The following XRCC6 variants were observed in gnomAD, a reference collection of about 807,000 sequenced individuals.
XRCC6 encodes the protein DNA repair protein Ku70.
XRCC6 carries 5 observed loss-of-function variants against 65.7 expected under a neutral mutation model. The ratio of observed to expected loss-of-function variants is 0.08; its 90% CI spans 0.04 to 0.16. The LOEUF is 0.16. Among genes scored for constraint, XRCC6 ranks in the 10% least tolerant of loss-of-function variants. The pLI is 1.00. For synonymous variants in XRCC6, 270 were observed against 270.6 expected, an observed-to-expected ratio of 1.00 and a Z score of 0.02; for missense variants, 447 against 738.1, an observed-to-expected ratio of 0.61 and a Z score of 4.57.
chr22:41,637,615 C>T lies in XRCC6; in HGVS notation c.597C>T (p.Phe199=). Residue 199 remains phenylalanine (F), a synonymous_variant, in exon 6 of 13, where the codon TTC becomes TTT. Coordinates refer to ENST00000360079, the MANE Select transcript of XRCC6 (RefSeq NM_001469.5). ...KAGDLRDTGI[F]LDLMHLKKPG... ...TGTTTACCCTTGCAACAGGCATCTT[C>T]CTTGACTTGATGCACCTGAAGAAAC... The T allele has an allele frequency of 6.2e-7, 1 of 1,601,422 alleles. No homozygotes were observed. The highest frequency in any genetic ancestry group is 8.5e-7 in the Non-Finnish European group (1 of 1,174,744).
At chr22:41,638,746 C>G (rs2067839383) in intron 6 of XRCC6, among the ~76,000 whole-genome samples, 1 of 144,972 alleles carries the variant, frequency 6.9e-6, no homozygotes, top group African/African-American at 2.6e-5. Context: ...CCACTGCACT[C>G]CAGCCTGGTG....
intron 2 of XRCC6, among the ~76,000 whole-genome samples, chr22:41,625,574 A>G (rs1465312989): frequency 6.6e-6 from 1 of 152,244 alleles, no homozygotes; most frequent in Non-Finnish European, 1.5e-5. Flanking sequence ...GTTACTTATG[A>G]TAAAGTCATG....
intron 9 of XRCC6, among the ~76,000 whole-genome samples, chr22:41,654,836 T>G (rs117854415): frequency 1.3e-5 from 2 of 152,288 alleles, no homozygotes; most frequent in Non-Finnish European, 2.9e-5. Flanking sequence ...TAAAGGGTCT[T>G]TGCTGGGGCA....
At chr22:41,649,160 A>G (rs60530919) in intron 7 of XRCC6, among the ~76,000 whole-genome samples, 2,735 of 125,832 alleles carry the variant, frequency 0.022, 163 homozygotes, top group African/African-American at 0.091. Flanking sequence ...ATATATATAT[A>G]TATGTATGTA....
intron 6 of XRCC6, among the ~76,000 whole-genome samples, chr22:41,645,854 C>G (rs1012039832): frequency 8.6e-5 from 13 of 151,980 alleles, no homozygotes; most frequent in African/African-American, 2.7e-4. Flanking sequence ...GCGTGCGCCA[C>G]CATGCCTGGC....
intron 7 of XRCC6, 57 bp from the exon 8 acceptor site, chr22:41,650,666 T>C: frequency 6.4e-7 from 1 of 1,568,494 alleles, no homozygotes; most frequent in Non-Finnish European, 8.7e-7. Flanking sequence ...CATCTTCGAG[T>C]TATTTTGCAT....
Position 41,627,993 on chromosome 22 carries a change from T to G in XRCC6, c.83-125T>G, listed in dbSNP as rs116944084. ...TCAATTTCCTGACATAGGTGGAGAT[T>G]TTATGGTTGTTCACCTTATAATAAT... On this transcript the variant is annotated intron_variant, in intron 2 of 12. Coordinates refer to ENST00000360079, the MANE Select transcript of XRCC6 (RefSeq NM_001469.5). 3.5e-4 allele frequency: 201 copies of G among 569,542 alleles called. 2 individuals are homozygous for G. In the East Asian group the frequency reaches 6.8e-3, roughly 19 times the overall value. The allele number at this position is 569,542 out of a possible 1,614,324, so 35.3% of individuals were successfully genotyped here. A position where few individuals can be genotyped will look rare whatever the true frequency, so the allele number is the denominator to read the frequency against.
rs755461674 is a variant in XRCC6 at position 41,638,494 on chromosome 22, TATG to T, written c.773+706_773+708del. Among the ~76,000 whole-genome samples the T allele has an allele frequency of 4.6e-5, 7 of 152,100 alleles. No individual in the cohort carries two copies. In the East Asian group the frequency reaches 1.4e-3, roughly 29 times the overall value. ...AGGTATAGAAAAGGTACAATAAAAA[TATG>T]ATATAGGCCAGACACGGTGGCTCAC... On this transcript the variant is annotated intron_variant, in intron 6 of 12. Coordinates refer to ENST00000360079, the MANE Select transcript of XRCC6 (RefSeq NM_001469.5).
Position 41,650,864 on chromosome 22 carries a change from G to C in XRCC6, c.1102G>C (p.Val368Leu), listed in dbSNP as rs761413214. 2 of 1,614,146 alleles carry C rather than the reference G, an allele frequency of 1.2e-6. No individual in the cohort carries two copies. The highest frequency in any genetic ancestry group is 1.7e-6 in the Non-Finnish European group (2 of 1,180,018). ...CCATTACCTGAGGCCCTCCCTGTTCGTGTACCCAGAGGAGTCGCTGGTGAT... is the reference window on the plus strand; with the variant it reads ...CCATTACCTGAGGCCCTCCCTGTTCCTGTACCCAGAGGAGTCGCTGGTGAT... Reference protein sequence around the residue: ...KHHYLRPSLFVYPEESLVIGS... With the variant: ...KHHYLRPSLFLYPEESLVIGS... The change falls in exon 8 of 13, where the codon GTG becomes CTG. Residue 368 changes from valine to leucine, a missense_variant. By Grantham distance (32) the Val-to-Leu change is conservative. Around this residue, in one of 4 missense-constraint regions of XRCC6, gnomAD observed 201 missense variants for 374.1 expected, o/e 0.54. Coordinates refer to ENST00000360079, the MANE Select transcript of XRCC6 (RefSeq NM_001469.5).
At chr22:41,624,120 C>T (rs1040484603) in intron 2 of XRCC6, among the ~76,000 whole-genome samples, 9 of 151,998 alleles carry the variant, frequency 5.9e-5, no homozygotes, top group African/African-American at 2.2e-4. Flanking sequence ...TGTGGTGGCT[C>T]ACGCCTGTAA....
chr22:41,651,025 G>A, intron 8 of XRCC6, 134 bp downstream of exon 8: 1 of 1,230,830 alleles, frequency 8.1e-7, no homozygotes, highest in Non-Finnish European at 1.1e-6. Context: ...TTCAAGCTCT[G>A]CCTGGTGCAG....
intron 3 of XRCC6, among the ~76,000 whole-genome samples, chr22:41,632,689 G>A (rs1283542472): frequency 1.3e-5 from 2 of 151,964 alleles, no homozygotes; most frequent in African/African-American, 4.8e-5. Context: ...TGGGTGTGGT[G>A]GTGTGCACTT....
intron 3 of XRCC6, among the ~76,000 whole-genome samples, chr22:41,628,485 G>A (rs983089343): frequency 3.3e-5 from 5 of 152,124 alleles, no homozygotes; most frequent in Admixed American, 2.0e-4. Flanking sequence ...TTGAGCCCAG[G>A]AGGTCAAACA....
At chr22:41,623,340 A>G (rs1176066638) in intron 2 of XRCC6, among the ~76,000 whole-genome samples, 2 of 152,004 alleles carry the variant, frequency 1.3e-5, no homozygotes, top group East Asian at 3.9e-4. Flanking sequence ...TGGCCTCCCA[A>G]AGTTCTAGGT....
At chr22:41,663,094 A>C (rs1411784903) in intron 12 of XRCC6, among the ~76,000 whole-genome samples, 1 of 152,062 alleles carries the variant, frequency 6.6e-6, no homozygotes, top group Non-Finnish European at 1.5e-5. Flanking sequence ...AATGATACAG[A>C]AGTTATATCC....
Position 41,658,288 on chromosome 22 carries a change from C to T in XRCC6, c.1458C>T (p.His486=). ...DSFENPVLQQ[H]FRNLEALALD... is the part of the protein sequence containing the mutation. The stretch of plus-strand genomic sequence containing the variant: ...TTGAGAACCCCGTGCTGCAGCAGCA[C>T]TTCAGGAACCTGGAGGCCTTGGCCT... Residue 486 remains histidine (H), a synonymous_variant, in exon 11 of 13, where the codon CAC becomes CAT. Transcript: ENST00000360079. 6.2e-7 allele frequency: 1 copy of T among 1,613,974 alleles called. No homozygotes were observed. The highest frequency in any genetic ancestry group is 2.2e-5 in the East Asian group (1 of 44,872).
At chr22:41,661,908 A>G (rs2068103362) in intron 12 of XRCC6, among the ~76,000 whole-genome samples, 1 of 152,250 alleles carries the variant, frequency 6.6e-6, no homozygotes, top group East Asian at 1.9e-4. Context: ...CTATTCGGCC[A>G]TAAAAAAGAA....
At chr22:41,634,733 T>TG in intron 3 of XRCC6, among the ~76,000 whole-genome samples, 1 of 151,736 alleles carries the variant, frequency 6.6e-6, no homozygotes, top group African/African-American at 2.4e-5. Flanking sequence ...TTAGTAGAGT[T>TG]GGGGTTTCAC....
chr22:41,624,487 C>T (rs2067646792), intron 2 of XRCC6, among the ~76,000 whole-genome samples: 1 of 151,030 alleles, frequency 6.6e-6, no homozygotes, highest in South Asian at 2.1e-4. Flanking sequence ...GAGATAGAGA[C>T]CATCCTGACT....
Sources: gnomAD v4.1 joint callset for allele counts (sites outside exome capture counted in the v4.1 genomes callset) on GRCh38, gnomAD v4.1.1 for gene constraint, gnomAD v4.1.1 regional missense constraint, MANE v1.5 for transcripts, NCBI Gene and HGNC (gene_info 2026-07-23, HGNC 2026-07-21) for gene names.